PLOD2: variants seen among roughly 807,000 people sequenced by gnomAD.
PLOD2 encodes lysine hydroxylase 2.
Under a neutral mutation model 101.0 loss-of-function variants are expected in PLOD2, and 65 were observed. The ratio of observed to expected loss-of-function variants is 0.64; its 90% CI spans 0.53 to 0.79. The LOEUF (loss-of-function observed/expected upper bound fraction) is 0.79. Ranked by LOEUF, PLOD2 falls within the 30% of genes least tolerant of loss-of-function variation. The pLI is 0.00. For missense variants in PLOD2, 909 were observed against 914.6 expected, an observed-to-expected ratio of 0.99 and a Z score of 0.08; for synonymous variants, 314 against 302.9, an observed-to-expected ratio of 1.04 and a Z score of -0.38.
chr3:146,117,750 G>A (rs1056847301), intron 3 of PLOD2, among the ~76,000 whole-genome samples: 7 of 152,054 alleles, frequency 4.6e-5, no homozygotes, highest in African/African-American at 1.7e-4. Context: ...ACAGTGCCTG[G>A]AAGACACTGT....
At position 146,077,943 on chromosome 3, in the gene PLOD2, T is replaced by C. The variant is rs755957935; in HGVS notation, c.1501-19A>G. 13 of 1,452,032 alleles carry C rather than the reference T, an allele frequency of 9.0e-6. No homozygotes were observed. The highest frequency in any genetic ancestry group is 6.7e-5 in the Admixed American group (4 of 59,678). The allele number at this position is 1,452,032 out of a possible 1,614,324, so 89.9% of individuals were successfully genotyped here. On this transcript the variant is annotated intron_variant, in intron 13 of 19. Coordinates refer to ENST00000282903, the MANE Select transcript of PLOD2 (RefSeq NM_182943.3). The stretch of plus-strand genomic sequence containing the variant: ...GTAAAGTCTAAAATGAAGAGAAGCA[T>C]TGGGTAAGTTGACCTGTACACCCGC...
intron 3 of PLOD2, among the ~76,000 whole-genome samples, chr3:146,111,598 A>C (rs1314452089): frequency 6.6e-6 from 1 of 152,208 alleles, no homozygotes; most frequent in African/African-American, 2.4e-5. Context: ...ACTCACTTCA[A>C]AGTTTTTACA....
rs538578104 is a variant in PLOD2 at position 146,109,327 on chromosome 3, T to C, written c.502+958A>G. 7.2e-5 allele frequency among the ~76,000 whole-genome samples: 11 copies of C among 152,340 alleles called. No homozygotes were observed. In the South Asian group the frequency reaches 1.9e-3, roughly 26 times the overall value. ...AGGTTTCAAAAGTACAAAATCTATA[T>C]GAGCTATCAAAGTTCCAAGGTACAA... is the stretch of plus-strand genomic sequence containing the variant. On this transcript the variant is annotated intron_variant, in intron 4 of 19. Coordinates refer to ENST00000282903, the MANE Select transcript of PLOD2 (RefSeq NM_182943.3).
chr3:146,160,682 C>A (rs1412411598), intron 1 of PLOD2, 199 bp downstream of exon 1: 1 of 559,168 alleles, frequency 1.8e-6, no homozygotes, highest in Non-Finnish European at 3.2e-6. Flanking sequence ...AAGGAGTCAA[C>A]GAGGGCGGGT....
At chr3:146,096,936 G>C (rs1448251428) in intron 7 of PLOD2, among the ~76,000 whole-genome samples, 1 of 139,926 alleles carries the variant, frequency 7.1e-6, no homozygotes, top group South Asian at 2.3e-4. Context: ...GCCTCTGCCC[G>C]GCCGCCCCTA....
At chr3:146,080,872 G>T (rs986255518) in intron 12 of PLOD2, among the ~76,000 whole-genome samples, 3 of 152,102 alleles carry the variant, frequency 2.0e-5, no homozygotes, top group Non-Finnish European at 2.9e-5. Flanking sequence ...ACATCATTCA[G>T]ATTGAAGCTT....
intron 17 of PLOD2, 43 bp downstream of exon 17, chr3:146,072,517 AC>A: frequency 8.7e-7 from 1 of 1,144,002 alleles, no homozygotes; most frequent in Non-Finnish European, 1.3e-6. Context: ...TATCTACTTA[AC>A]CCCCACATAC....
chr3:146,091,260 T>C (rs1936960991), intron 8 of PLOD2, among the ~76,000 whole-genome samples: 1 of 151,884 alleles, frequency 6.6e-6, no homozygotes, highest in Admixed American at 6.6e-5. Context: ...CTTAAAATTG[T>C]GTGCCCTTAA....
At position 146,081,748 on chromosome 3, in the gene PLOD2, C is replaced by T. The variant is rs2108010830; in HGVS notation, c.1348G>A (p.Gly450Arg). The T allele has an allele frequency of 1.2e-6, 2 of 1,607,702 alleles. No individual in the cohort carries two copies. Among genetic ancestry groups the T allele is most frequent in the Non-Finnish European group, 1.7e-6 (2 of 1,174,444 alleles). ...AACCAAGTAACTTACACTCTATTCC[C>T]TTGAACAATATCCACATAATCTTCA... ...RSEDYVDIVQGNRVGVWNVPY... is the reference protein window; with the variant it reads ...RSEDYVDIVQRNRVGVWNVPY... The change falls in exon 12 of 20, where the codon GGG (glycine) becomes AGG (arginine). Residue 450 changes from glycine to arginine, a missense_variant. Gly to Arg is a moderately radical substitution (Grantham distance 125). Coordinates refer to ENST00000282903, the MANE Select transcript of PLOD2 (RefSeq NM_182943.3).
intron 13 of PLOD2, 95 bp downstream of exon 13, chr3:146,079,021 G>T: frequency 7.7e-7 from 1 of 1,302,220 alleles, no homozygotes; most frequent in South Asian, 1.2e-5. Flanking sequence ...TTACAAATTA[G>T]CAAGACAAAG....
At chr3:146,128,577 T>A (rs1613796) in intron 1 of PLOD2, among the ~76,000 whole-genome samples, 78,309 of 151,946 alleles carry the variant, frequency 0.52, 20,285 homozygotes, top group Middle Eastern at 0.57. Context: ...TAAATGGCTG[T>A]ATATTTTGCT....
In PLOD2 at chr3:146,160,887, G is replaced by A. The variant is rs1401879984; in HGVS notation, c.103C>T (p.Pro35Ser). Reference protein sequence around the residue: ...GADSEKPSSIPTDKLLVITVA... With the variant: ...GADSEKPSSISTDKLLVITVA... ...CGGACCGCGGGGTGCTCACCTGTGG[G>A]GATGCTCGAGGGCTTCTCCGAGTCC... Residue 35 changes from proline to serine, a missense_variant, in exon 1 of 20, where the codon CCC becomes TCC. Physicochemically the swap from Pro to Ser is moderately conservative, Grantham distance 74. Coordinates refer to ENST00000282903, the MANE Select transcript of PLOD2 (RefSeq NM_182943.3). 1.3e-6 allele frequency: 2 copies of A among 1,568,834 alleles called. No homozygotes were observed. Among genetic ancestry groups the A allele is most frequent in the Non-Finnish European group, 1.7e-6 (2 of 1,154,418 alleles).
intron 1 of PLOD2, among the ~76,000 whole-genome samples, chr3:146,148,435 A>T (rs1406302150): frequency 6.6e-6 from 1 of 151,996 alleles, no homozygotes; most frequent in Non-Finnish European, 1.5e-5. Context: ...CACTATACCT[A>T]AATACGAAGA....
chr3:146,097,649 ACACAAACACTGCGGAAGG>A (rs1937246002), intron 7 of PLOD2, among the ~76,000 whole-genome samples: 1 of 122,392 alleles, frequency 8.2e-6, no homozygotes, highest in South Asian at 3.0e-4. Flanking sequence ...GTACCCAGGG[ACACAAACACTGCGGAAGG>A]CCGCAGGGTC....
rs927238109 is a variant in PLOD2 at position 146,099,082 on chromosome 3, A to T, written c.777+3673T>A. 1.5e-4 allele frequency among the ~76,000 whole-genome samples: 23 copies of T among 152,304 alleles called. No individual in the cohort carries two copies. In the East Asian group the frequency reaches 4.2e-3, roughly 28 times the overall value. ...AACTTCATATTTTATTGTCTAATAG[A>T]ATAACAAAATGAACTAGATATGATA... On this transcript the variant is annotated intron_variant, in intron 7 of 19. Coordinates refer to ENST00000282903, the MANE Select transcript of PLOD2 (RefSeq NM_182943.3).
At position 146,124,215 on chromosome 3, in the gene PLOD2, T is replaced by C. The variant is rs769966636; in HGVS notation, c.124A>G (p.Ile42Val). 2.9e-5 allele frequency: 45 copies of C among 1,575,584 alleles called. No individual in the cohort carries two copies. Among genetic ancestry groups the C allele is most frequent in the South Asian group, 1.0e-4 (9 of 90,336 alleles). Residue 42 changes from isoleucine (I) to valine (V), a missense_variant, in exon 2 of 20, where the codon ATA (isoleucine) becomes GTA (valine). Coordinates refer to ENST00000282903, the MANE Select transcript of PLOD2 (RefSeq NM_182943.3). ...SSIPTDKLLV[I>V]TVATKESDGF... ...TCACTTTCTTTTGTTGCTACAGTTA[T>C]GACTAATAATTTATCTGCAAAGACA...
intron 8 of PLOD2, 86 bp from the exon 9 acceptor site, chr3:146,088,797 T>A: frequency 9.3e-7 from 1 of 1,076,304 alleles, no homozygotes; most frequent in Non-Finnish European, 1.4e-6. Context: ...CAGCATGACA[T>A]AAAAAATACT....
intron 12 of PLOD2, among the ~76,000 whole-genome samples, chr3:146,080,647 A>T (rs1445908366): frequency 6.6e-6 from 1 of 152,084 alleles, no homozygotes. Context: ...TTGGACAGAA[A>T]ATCACCAATG....
At chr3:146,086,318 A>C (rs1226444905) in intron 10 of PLOD2, 1 of 152,426 alleles carries the variant, frequency 6.6e-6, no homozygotes, top group Non-Finnish European at 1.5e-5. Flanking sequence ...AGTAGAATGA[A>C]GCATTAACAG....
Sources: gnomAD v4.1 joint callset for allele counts (sites outside exome capture counted in the v4.1 genomes callset) on GRCh38, gnomAD v4.1.1 for gene constraint, MANE v1.5 for transcripts, NCBI Gene and HGNC (gene_info 2026-07-23, HGNC 2026-07-21) for gene names.